The following TBCK variants were observed in gnomAD, a reference collection of about 807,000 sequenced individuals.
TBCK encodes the protein TBC1 domain containing kinase, also known as TBC domain-containing protein kinase-like protein.
Under a neutral mutation model 113.4 loss-of-function variants are expected in TBCK, and 99 were observed. That is an observed-to-expected ratio of 0.87 (90% CI 0.74 to 1.03). TBCK has a LOEUF of 1.03. Ranked by LOEUF, TBCK falls within the 50% of genes least tolerant of loss-of-function variation. The pLI, the probability that TBCK is intolerant of heterozygous loss-of-function variation, is 0.00. For missense variants in TBCK, 1,045 were observed against 1,061.3 expected (o/e 0.98, Z 0.21); for synonymous variants, 369 against 370.8 (o/e 1.00, Z 0.05).
intron 19 of TBCK, among the ~76,000 whole-genome samples, chr4:106,224,089 C>T (rs1001560021): frequency 6.6e-6 from 1 of 151,908 alleles, no homozygotes; most frequent in Non-Finnish European, 1.5e-5. Context: ...AAGAAATATT[C>T]ATTTAAGTCA....
At chr4:106,127,565 G>A (rs918489246) in intron 23 of TBCK, among the ~76,000 whole-genome samples, 1 of 151,664 alleles carries the variant, frequency 6.6e-6, no homozygotes, top group Non-Finnish European at 1.5e-5. Flanking sequence ...AAAAAATATT[G>A]ATCCAAATAT....
chr4:106,271,992 T>G lies in TBCK; in HGVS notation c.267-9780A>C, dbSNP rs148807023. On this transcript the variant is annotated intron_variant, in intron 3 of 25. Transcript: ENST00000394708. ...CTAAGATGAGTCCCAAGAATTTATA[T>G]TTCTAATAAGTTCCCAGGTGATAAT... 3.6e-3 allele frequency among the ~76,000 whole-genome samples: 546 copies of G among 152,228 alleles called. 3 individuals carry two copies. Among genetic ancestry groups the G allele is most frequent in the Middle Eastern group, 0.014 (4 of 294 alleles).
rs148194256 is a variant in TBCK at position 106,309,257 on chromosome 4, T to C, written c.-29-268A>G. 1.3e-4 allele frequency among the ~76,000 whole-genome samples: 19 copies of C among 150,702 alleles called. No individual in the cohort carries two copies. The East Asian group carries it at 3.3e-3, about 26-fold the overall frequency. On this transcript the variant is annotated intron_variant, in intron 1 of 25. Transcript: ENST00000394708. The stretch of plus-strand genomic sequence containing the variant: ...CAATGACATTTGACAGTTTAAAGAG[T>C]AGAGGAAGTTTGTTACTGCATCTTC...
intron 6 of TBCK, chr4:106,251,014 T>A (rs1349819956): frequency 6.0e-6 from 1 of 166,440 alleles, no homozygotes; most frequent in African/African-American, 2.4e-5. Context: ...TATATTTTAA[T>A]TATTTCCTTA....
At chr4:106,155,789 T>C (rs1309842324) in intron 23 of TBCK, among the ~76,000 whole-genome samples, 1 of 152,182 alleles carries the variant, frequency 6.6e-6, no homozygotes, top group Non-Finnish European at 1.5e-5. Context: ...ATTCCTTCTC[T>C]GTGTCATCTT....
chr4:106,222,287 T>A (rs972669695), intron 19 of TBCK, among the ~76,000 whole-genome samples: 1 of 152,076 alleles, frequency 6.6e-6, no homozygotes, highest in Non-Finnish European at 1.5e-5. Context: ...TATTAAAAAT[T>A]TTTGTTTCTC....
intron 23 of TBCK, among the ~76,000 whole-genome samples, chr4:106,169,534 C>T (rs1579110789): frequency 6.6e-6 from 1 of 152,072 alleles, no homozygotes; most frequent in East Asian, 1.9e-4. Flanking sequence ...GTATTTAGAA[C>T]TGCTGAATTT....
intron 20 of TBCK, among the ~76,000 whole-genome samples, chr4:106,212,323 T>C (rs1351481918): frequency 6.6e-6 from 1 of 152,164 alleles, no homozygotes; most frequent in Non-Finnish European, 1.5e-5. Flanking sequence ...TTTTCAACTC[T>C]GACTTTTAGC....
intron 25 of TBCK, among the ~76,000 whole-genome samples, chr4:106,052,161 T>C (rs1386181314): frequency 1.3e-5 from 2 of 151,828 alleles, no homozygotes; most frequent in Non-Finnish European, 2.9e-5. Flanking sequence ...TAATATCTAG[T>C]AACAATTAGG....
chr4:106,127,322 C>T (rs767724256), intron 23 of TBCK, among the ~76,000 whole-genome samples: 12 of 149,940 alleles, frequency 8.0e-5, no homozygotes, highest in South Asian at 2.1e-4. Context: ...AATATATCAA[C>T]GAAGAGAAAA....
At chr4:106,235,247 T>C (rs1759314154) in intron 15 of TBCK, 22 bp downstream of exon 15, 1 of 1,533,932 alleles carries the variant, frequency 6.5e-7, no homozygotes, top group Non-Finnish European at 8.9e-7. Context: ...AATCAGCTTC[T>C]AACCTTTTCT....
intron 2 of TBCK, among the ~76,000 whole-genome samples, chr4:106,300,058 TG>T (rs1766766310): frequency 6.6e-6 from 1 of 152,152 alleles, no homozygotes; most frequent in Non-Finnish European, 1.5e-5. Flanking sequence ...ATGCTGTTCT[TG>T]TGATAATTAA....
chr4:106,180,686 T>C (rs111267713), intron 22 of TBCK, among the ~76,000 whole-genome samples: 4,096 of 152,268 alleles, frequency 0.027, 178 homozygotes, highest in African/African-American at 0.094. Flanking sequence ...TCCAGCTTCA[T>C]CCATGTCCCT....
chr4:106,235,326 T>C lies in TBCK; in HGVS notation c.1392A>G (p.Arg464=), dbSNP rs929914541. Reference sequence around the variant, plus strand: ...CTCTCATAAGAGGAGGAATGTCAACTCTTGCTTCTTTCCAGATTTGGTTTT... The same window carrying C: ...CTCTCATAAGAGGAGGAATGTCAACCCTTGCTTCTTTCCAGATTTGGTTTT... The part of the protein sequence containing the change: ...YKKNQIWKEA[R]VDIPPLMRGL... The change falls in exon 15 of 26, where the codon AGA becomes AGG. Residue 464 remains arginine, a synonymous_variant. Coordinates refer to ENST00000394708, the MANE Select transcript of TBCK (RefSeq NM_001163435.3). 17 of 1,610,740 alleles carry C rather than the reference T, an allele frequency of 1.1e-5. No homozygotes were observed. The highest frequency in any genetic ancestry group is 1.1e-5 in the Non-Finnish European group (13 of 1,178,556).
intron 2 of TBCK, among the ~76,000 whole-genome samples, chr4:106,304,738 C>T (rs1767325323): frequency 1.3e-5 from 2 of 152,270 alleles, no homozygotes; most frequent in East Asian, 1.9e-4. Context: ...CTTCTCTCTC[C>T]ATTTCTGTCT....
At chr4:106,119,913 C>T (rs541881793) in intron 23 of TBCK, among the ~76,000 whole-genome samples, 13 of 152,218 alleles carry the variant, frequency 8.5e-5, no homozygotes, top group Non-Finnish European at 1.8e-4. Flanking sequence ...AAATGGTCAA[C>T]ACCACTAATA....
chr4:106,291,512 AT>A (rs1485404346), intron 3 of TBCK, among the ~76,000 whole-genome samples: 9 of 152,256 alleles, frequency 5.9e-5, no homozygotes, highest in Admixed American at 5.9e-4. Context: ...CAATGAAGCC[AT>A]AAAACCTTCA....
intron 25 of TBCK, among the ~76,000 whole-genome samples, chr4:106,066,595 C>A (rs1401165362): frequency 6.6e-6 from 1 of 151,772 alleles, no homozygotes; most frequent in Non-Finnish European, 1.5e-5. Flanking sequence ...AGTACGCTTG[C>A]AATACTGTAC....
At position 106,193,827 on chromosome 4, in the gene TBCK, T is replaced by C. The variant is rs972013215; in HGVS notation, c.1898-57A>G. On this transcript the variant is annotated intron_variant, in intron 21 of 25. Transcript: ENST00000394708. Reference sequence around the variant, plus strand: ...AAAACCAAAATAACAATTAAAACAATAACAACTTACTTTACTAGTTCTATA... The same window carrying C: ...AAAACCAAAATAACAATTAAAACAACAACAACTTACTTTACTAGTTCTATA... The C allele has an allele frequency of 5.1e-6, 6 of 1,175,416 alleles. No homozygotes were observed. The African/African-American group carries it at 7.9e-5, about 15-fold the overall frequency. 72.8% of individuals were successfully genotyped at this position (1,175,416 alleles called of 1,614,324 possible). A position where few individuals can be genotyped will look rare whatever the true frequency, so the allele number is the denominator to read the frequency against.
Sources: gnomAD v4.1 joint callset for allele counts (sites outside exome capture counted in the v4.1 genomes callset) on GRCh38, gnomAD v4.1.1 for gene constraint, MANE v1.5 for transcripts, NCBI Gene and HGNC (gene_info 2026-07-23, HGNC 2026-07-21) for gene names.